Variants in CABLES1 observed in about 807,000 individuals in gnomAD.
CABLES1 encodes CDK5 and ABL1 enzyme substrate 1.
In CABLES1, 36 loss-of-function variants were observed where a neutral mutation model predicts 57.8. The ratio of observed to expected loss-of-function variants is 0.62; its 90% CI spans 0.48 to 0.82. The LOEUF (loss-of-function observed/expected upper bound fraction) is 0.82. Among genes scored for constraint, CABLES1 ranks in the 40% least tolerant of loss-of-function variants. CABLES1 has a pLI of 0.00. For missense variants in CABLES1, 767 were observed against 836.6 expected (o/e 0.92, Z 1.03); for synonymous variants, 374 against 363.0 (o/e 1.03, Z -0.35).
At chr18:23,213,269 C>A (rs1453926794) in intron 3 of CABLES1, among the ~76,000 whole-genome samples, 2 of 152,164 alleles carry the variant, frequency 1.3e-5, no homozygotes, top group African/African-American at 2.4e-5. Flanking sequence ...TAAATCTCTT[C>A]CACTCATTTC....
intron 1 of CABLES1, among the ~76,000 whole-genome samples, chr18:23,142,644 GAACAC>G (rs1458206634): frequency 6.6e-6 from 1 of 152,154 alleles, no homozygotes; most frequent in Non-Finnish European, 1.5e-5. Context: ...AACAAACATT[GAACAC>G]AATGAGTATC....
intron 3 of CABLES1, among the ~76,000 whole-genome samples, chr18:23,207,257 A>T (rs2047370682): frequency 6.6e-6 from 1 of 152,204 alleles, no homozygotes; most frequent in Admixed American, 6.5e-5. Flanking sequence ...GTTTTGCGTG[A>T]GTCAGGGGTG....
At chr18:23,155,972 C>T in intron 1 of CABLES1, 1 of 1,614,120 alleles carries the variant, frequency 6.2e-7, no homozygotes, top group Non-Finnish European at 8.5e-7. Context: ...CAGAGGATCG[C>T]CTGGGTGACC....
chr18:23,180,117 T>A (rs918652550), intron 1 of CABLES1, among the ~76,000 whole-genome samples: 4 of 152,044 alleles, frequency 2.6e-5, no homozygotes, highest in African/African-American at 9.7e-5. Flanking sequence ...GAGACTGGGT[T>A]TCGCCGTGTT....
In CABLES1 at chr18:23,235,802, C is replaced by G. The variant is rs909305381; in HGVS notation, c.1186-93C>G. Reference sequence around the variant, plus strand: ...GAATTGCAAATAGGAGAAAGTGGACCTGAATGTGGGGTGACAACTGTAGCT... The same window carrying G: ...GAATTGCAAATAGGAGAAAGTGGACGTGAATGTGGGGTGACAACTGTAGCT... On this transcript the variant is annotated intron_variant, in intron 5 of 9. Transcript: ENST00000256925. 3 of 1,235,376 alleles carry G rather than the reference C, an allele frequency of 2.4e-6. No homozygotes were observed. In the African/African-American group the frequency reaches 4.5e-5, roughly 19 times the overall value. The allele number at this position is 1,235,376 out of a possible 1,614,324, so 76.5% of individuals were successfully genotyped here.
chr18:23,222,595 T>C (rs1451809372), intron 4 of CABLES1, among the ~76,000 whole-genome samples: 1 of 148,858 alleles, frequency 6.7e-6, no homozygotes, highest in Non-Finnish European at 1.5e-5. Context: ...ATATATATAA[T>C]TAGATATATA....
At chr18:23,234,008 GGAGTTT>G (rs1339049350) in intron 4 of CABLES1, among the ~76,000 whole-genome samples, 1 of 152,136 alleles carries the variant, frequency 6.6e-6, no homozygotes, top group Non-Finnish European at 1.5e-5. Flanking sequence ...CCTGAGGTCA[GGAGTTT>G]GAGACCAGCC....
chr18:23,251,240 G>A (rs745526293), intron 7 of CABLES1, among the ~76,000 whole-genome samples: 2 of 152,208 alleles, frequency 1.3e-5, no homozygotes, highest in Non-Finnish European at 2.9e-5. Context: ...ATCACCTGAA[G>A]TCAGGAGTTC....
At chr18:23,197,885 A>G (rs1332013831) in intron 3 of CABLES1, 2 of 152,192 alleles carry the variant, frequency 1.3e-5, no homozygotes, top group Non-Finnish European at 2.9e-5. Flanking sequence ...TCCAGAAGAG[A>G]TGATAAAGTT....
intron 4 of CABLES1, among the ~76,000 whole-genome samples, chr18:23,224,114 CT>C (rs879709419): frequency 0.19 from 26,238 of 136,840 alleles, 2,845 homozygotes; most frequent in Non-Finnish European, 0.26. Context: ...TCGGCTTCCA[CT>C]TTTTTTTTTT....
intron 5 of CABLES1, 106 bp downstream of exon 5, chr18:23,234,810 G>A (rs768514016): frequency 1.5e-4 from 128 of 880,058 alleles, no homozygotes; most frequent in Non-Finnish European, 2.1e-4. Flanking sequence ...GAGGACTCGA[G>A]GTCTGGGGCA....
At chr18:23,183,774 A>G (rs925930137) in intron 1 of CABLES1, among the ~76,000 whole-genome samples, 1 of 152,232 alleles carries the variant, frequency 6.6e-6, no homozygotes. Flanking sequence ...AAAATATGCA[A>G]AGACCTCTGC....
At chr18:23,207,580 C>T (rs1229024350) in intron 3 of CABLES1, among the ~76,000 whole-genome samples, 1 of 152,150 alleles carries the variant, frequency 6.6e-6, no homozygotes, top group African/African-American at 2.4e-5. Flanking sequence ...GAGGTATCTC[C>T]CAACCACCCC....
intron 1 of CABLES1, among the ~76,000 whole-genome samples, chr18:23,159,193 G>T (rs1359245578): frequency 4.6e-5 from 7 of 152,208 alleles, no homozygotes; most frequent in African/African-American, 1.7e-4. Flanking sequence ...TCGAACTCCT[G>T]GCCTCAAGTA....
At chr18:23,222,437 G>T (rs1419827868) in intron 4 of CABLES1, among the ~76,000 whole-genome samples, 1 of 151,810 alleles carries the variant, frequency 6.6e-6, no homozygotes, top group African/African-American at 2.4e-5. Context: ...TGGTCACTCT[G>T]GTTTTATGTG....
chr18:23,255,914 T>C (rs1568097559), intron 9 of CABLES1, among the ~76,000 whole-genome samples: 1 of 152,138 alleles, frequency 6.6e-6, no homozygotes, highest in South Asian at 2.1e-4. Flanking sequence ...ATAAATAATA[T>C]GCACATTTAA....
chr18:23,163,262 C>T (rs979947941), intron 1 of CABLES1, among the ~76,000 whole-genome samples: 2 of 151,950 alleles, frequency 1.3e-5, no homozygotes, highest in Admixed American at 6.6e-5. Flanking sequence ...GAGGATGCCA[C>T]GTGGAGATTT....
At chr18:23,235,363 C>T (rs919672285) in intron 5 of CABLES1, among the ~76,000 whole-genome samples, 5 of 151,576 alleles carry the variant, frequency 3.3e-5, no homozygotes, top group African/African-American at 7.3e-5. Flanking sequence ...GTGAGATGCT[C>T]GCCTGGGCAG....
At chr18:23,229,760 T>G (rs150816084) in intron 4 of CABLES1, among the ~76,000 whole-genome samples, 52 of 152,358 alleles carry the variant, frequency 3.4e-4, no homozygotes, top group African/African-American at 1.2e-3. Context: ...AGTTCCTTTC[T>G]GCATGCAACT....
Sources: gnomAD v4.1 joint callset for allele counts (sites outside exome capture counted in the v4.1 genomes callset) on GRCh38, gnomAD v4.1.1 for gene constraint, MANE v1.5 for transcripts, NCBI Gene and HGNC (gene_info 2026-07-23, HGNC 2026-07-21) for gene names.